MLIP: variants seen among roughly 807,000 people sequenced by gnomAD.
MLIP encodes the protein muscular LMNA interacting protein.
A neutral mutation model predicts 84.8 loss-of-function variants in MLIP; 79 were observed. The ratio of observed to expected loss-of-function variants is 0.93; its 90% CI spans 0.78 to 1.12. The LOEUF is 1.12. Ranked by LOEUF, MLIP falls within the 50% of genes most tolerant of loss-of-function variation. The pLI is 0.00. For synonymous variants in MLIP, 504 were observed against 463.0 expected (o/e 1.09, Z -1.14); for missense variants, 1,257 against 1,160.6 (o/e 1.08, Z -1.21).
chr6:54,193,292 A>T (rs1778073352), intron 10 of MLIP, among the ~76,000 whole-genome samples: 1 of 152,208 alleles, frequency 6.6e-6, no homozygotes, highest in African/African-American at 2.4e-5. Flanking sequence ...GATTGGAATA[A>T]CGACTCTGTC....
chr6:54,224,199 T>C (rs557625427), intron 11 of MLIP, among the ~76,000 whole-genome samples: 1 of 152,110 alleles, frequency 6.6e-6, no homozygotes, highest in East Asian at 1.9e-4. Context: ...AATAGCAAAC[T>C]GTTAGTTAAA....
rs1040449018 is a variant in MLIP, at chr6:54,138,174, A to G, written c.2105A>G (p.His702Arg). 7.8e-6 allele frequency: 12 copies of G among 1,536,044 alleles called. No individual in the cohort carries two copies. The highest frequency in any genetic ancestry group is 1.0e-5 in the Non-Finnish European group (12 of 1,146,868). The stretch of plus-strand genomic sequence containing the variant: ...AAATCTGAAAGCACCACCCCCAACC[A>G]CAGGTCACCTGTTTCAACCCCATCA... ...LGKSESTTPN[H>R]RSPVSTPSLP... The change falls in exon 4 of 14, where the codon CAC becomes CGC. Residue 702 changes from histidine (H) to arginine (R), a missense_variant. By Grantham distance (29) the His-to-Arg change is conservative. Coordinates refer to ENST00000502396, the MANE Select transcript of MLIP (RefSeq NM_001281747.2).
At chr6:54,028,446 C>CT in intron 1 of MLIP, among the ~76,000 whole-genome samples, 1 of 152,264 alleles carries the variant, frequency 6.6e-6, no homozygotes, top group South Asian at 2.1e-4. Flanking sequence ...TATAATTTCT[C>CT]TGGGGATATC....
intron 10 of MLIP, among the ~76,000 whole-genome samples, chr6:54,197,719 T>C (rs764704304): frequency 6.6e-6 from 1 of 152,106 alleles, no homozygotes; most frequent in Non-Finnish European, 1.5e-5. Context: ...AGTCTGACTA[T>C]TCTATGGATT....
At chr6:54,173,254 C>G (rs1249130326) in intron 9 of MLIP, among the ~76,000 whole-genome samples, 1 of 151,656 alleles carries the variant, frequency 6.6e-6, no homozygotes, top group African/African-American at 2.4e-5. Flanking sequence ...AAAGTTTCTG[C>G]CATTTGATAC....
chr6:54,136,603 A>T, intron 3 of MLIP, 112 bp from the exon 4 acceptor site: 1 of 1,057,006 alleles, frequency 9.5e-7, no homozygotes, highest in Non-Finnish European at 1.3e-6. Context: ...GTGGAGGTTT[A>T]AGATGCCTCC....
At chr6:54,178,927 A>C (rs1210717687) in intron 9 of MLIP, among the ~76,000 whole-genome samples, 1 of 152,188 alleles carries the variant, frequency 6.6e-6, no homozygotes, top group Non-Finnish European at 1.5e-5. Context: ...TCTATAGTGC[A>C]GATTAAGTCT....
At chr6:54,139,531 G>T (rs1305631706) in intron 4 of MLIP, among the ~76,000 whole-genome samples, 1 of 152,174 alleles carries the variant, frequency 6.6e-6, no homozygotes, top group Non-Finnish European at 1.5e-5. Flanking sequence ...CTTATAATCT[G>T]ACGGTAATAA....
chr6:54,179,129 C>T (rs141736298), intron 9 of MLIP, among the ~76,000 whole-genome samples: 1 of 152,238 alleles, frequency 6.6e-6, no homozygotes, highest in African/African-American at 2.4e-5. Context: ...GCTGAACTGA[C>T]CCTTTTATCA....
At chr6:54,109,915 T>TCC (rs1769300447), upstream of MLIP, among the ~76,000 whole-genome samples, 2 of 123,506 alleles carry the variant, frequency 1.6e-5, no homozygotes, top group Admixed American at 8.7e-5. Flanking sequence ...TTCTTTTTCT[T>TCC]TCTTTCTTTC....
chr6:54,137,082 G>A lies in MLIP; in HGVS notation c.1013G>A (p.Ser338Asn). Residue 338 changes from serine (S) to asparagine (N), a missense_variant, in exon 4 of 14, where the codon AGT becomes AAT. Transcript: ENST00000502396. ...ACAACTTTAACCTCGCATGTCCTTA[G>A]TCACGGAGAAAGTCCGAGAACCTCT... ...KKTTLTSHVL[S>N]HGESPRTSSS... is the part of the protein sequence containing the mutation. The A allele has an allele frequency of 6.5e-7, 1 of 1,536,022 alleles. No individual in the cohort carries two copies.
At chr6:54,106,244 A>G (rs1374855135) in intron 1 of MLIP, among the ~76,000 whole-genome samples, 1 of 152,154 alleles carries the variant, frequency 6.6e-6, no homozygotes, top group Admixed American at 6.5e-5. Flanking sequence ...ATATGGATGC[A>G]TCAACTAGCC....
At chr6:54,230,628 G>C in intron 11 of MLIP, 86 bp from the exon 12 acceptor site, 1 of 1,218,496 alleles carries the variant, frequency 8.2e-7, no homozygotes. Context: ...AAGAGATTCT[G>C]ACCTATGTCT....
At chr6:54,213,727 A>AAAC (rs1554185752) in intron 11 of MLIP, among the ~76,000 whole-genome samples, 1 of 9,934 alleles carries the variant, frequency 1.0e-4, no homozygotes, top group Admixed American at 2.9e-3. Context: ...AAAAAAAAAA[A>AAAC]AAAAAAAAAC....
At chr6:54,191,511 G>A (rs1165969389) in intron 10 of MLIP, among the ~76,000 whole-genome samples, 2 of 152,152 alleles carry the variant, frequency 1.3e-5, no homozygotes, top group Non-Finnish European at 2.9e-5. Context: ...AATCTGGGAT[G>A]AGTATCAGAA....
intron 12 of MLIP, among the ~76,000 whole-genome samples, chr6:54,245,375 G>A (rs1178395167): frequency 1.3e-5 from 2 of 152,138 alleles, no homozygotes; most frequent in African/African-American, 2.4e-5. Flanking sequence ...AGAATAAATT[G>A]CAGAGTTATC....
At chr6:54,263,867 C>T (rs1169219511) in intron 13 of MLIP, among the ~76,000 whole-genome samples, 2 of 151,910 alleles carry the variant, frequency 1.3e-5, no homozygotes, top group African/African-American at 4.8e-5. Context: ...GCCTTAACTG[C>T]CAGTGTGCTA....
At chr6:54,224,352 CT>C (rs1780428514) in intron 11 of MLIP, among the ~76,000 whole-genome samples, 1 of 151,522 alleles carries the variant, frequency 6.6e-6, no homozygotes, top group African/African-American at 2.4e-5. Flanking sequence ...GAAATAAATA[CT>C]TTATAGCAAA....
chr6:54,056,380 T>C (rs1379300462), intron 1 of MLIP, among the ~76,000 whole-genome samples: 2 of 152,166 alleles, frequency 1.3e-5, no homozygotes, highest in Non-Finnish European at 2.9e-5. Flanking sequence ...TCATAAAGGC[T>C]TTTGCTAATC....
Sources: allele counts gnomAD v4.1 joint callset (sites outside exome capture counted in the v4.1 genomes callset), GRCh38; gene constraint gnomAD v4.1.1; transcripts MANE v1.5; gene names NCBI Gene and HGNC (gene_info 2026-07-23, HGNC 2026-07-21).